Variants in SYNPR observed in about 807,000 individuals in gnomAD.
SYNPR encodes the protein synaptoporin.
In SYNPR, 23 loss-of-function variants were observed where a neutral mutation model predicts 32.9. The ratio of observed to expected loss-of-function variants is 0.70; its 90% CI spans 0.50 to 0.99. The LOEUF (loss-of-function observed/expected upper bound fraction) is 0.99, where lower values mean the gene tolerates loss of function less well. Ranked by LOEUF, SYNPR falls within the 50% of genes least tolerant of loss-of-function variation. SYNPR has a pLI of 0.00. For synonymous variants in SYNPR, 146 were observed against 135.9 expected (o/e 1.07, Z -0.52); for missense variants, 318 against 349.3 (o/e 0.91, Z 0.71).
At chr3:63,324,757 T>C (rs1215327073) in intron 2 of SYNPR, among the ~76,000 whole-genome samples, 1 of 152,130 alleles carries the variant, frequency 6.6e-6, no homozygotes, top group Non-Finnish European at 1.5e-5. Context: ...CAAGTTGAGC[T>C]AGCTATTTAG....
chr3:63,254,705 G>A (rs1325208594), intron 2 of SYNPR, among the ~76,000 whole-genome samples: 8 of 152,156 alleles, frequency 5.3e-5, no homozygotes, highest in South Asian at 2.1e-4. Context: ...ACTATGGGCC[G>A]AATTGTGTTC....
intron 3 of SYNPR, among the ~76,000 whole-genome samples, chr3:63,497,605 C>T (rs1701397389): frequency 6.6e-6 from 1 of 151,528 alleles, no homozygotes; most frequent in Non-Finnish European, 1.5e-5. Context: ...CAAACTTTGC[C>T]ATTTCCAAAT....
At chr3:63,372,982 A>G (rs1364044374) in intron 2 of SYNPR, among the ~76,000 whole-genome samples, 1 of 152,194 alleles carries the variant, frequency 6.6e-6, no homozygotes, top group East Asian at 1.9e-4. Context: ...TCCTTTGATA[A>G]TGTACTCCCT....
intron 2 of SYNPR, among the ~76,000 whole-genome samples, chr3:63,357,259 C>T (rs936227226): frequency 4.6e-5 from 7 of 152,058 alleles, no homozygotes; most frequent in African/African-American, 1.7e-4. Flanking sequence ...ACCAGAGACC[C>T]CTCCCACCCC....
At chr3:63,288,482 G>C (rs1225931471) in intron 2 of SYNPR, among the ~76,000 whole-genome samples, 1 of 152,186 alleles carries the variant, frequency 6.6e-6, no homozygotes, top group African/African-American at 2.4e-5. Context: ...GGGGATAGCT[G>C]AGTGGATTCA....
rs961027707 is a variant in SYNPR at position 63,417,502 on chromosome 3, G to A, written c.85-63330G>A. 2.0e-5 allele frequency among the ~76,000 whole-genome samples: 3 copies of A among 152,230 alleles called. No individual in the cohort carries two copies. The South Asian group carries it at 6.2e-4, about 31-fold the overall frequency. On this transcript the variant is annotated intron_variant, in intron 2 of 5. Coordinates refer to ENST00000478300, the MANE Select transcript of SYNPR (RefSeq NM_001130003.2). ...GGCCCTCTTCTCACAGCTCCACTAG[G>A]CAGTGGCCTAGTAGGGACTCTGTGT...
chr3:63,320,584 T>C (rs571146937), intron 2 of SYNPR, among the ~76,000 whole-genome samples: 93 of 152,190 alleles, frequency 6.1e-4, no homozygotes, highest in Non-Finnish European at 8.1e-4. Context: ...CCCCCACTTA[T>C]GTCCACAGAA....
chr3:63,551,869 CTATTTATTTATTTATTTATTTATT>C (rs10527039), intron 3 of SYNPR, among the ~76,000 whole-genome samples: 62 of 144,854 alleles, frequency 4.3e-4, no homozygotes, highest in African/African-American at 1.4e-3. Flanking sequence ...CAGCATCTAG[CTATTTATTTATTTATTTATTTATT>C]TATTTATTTA....
At chr3:63,504,942 A>G (rs998546188) in intron 3 of SYNPR, among the ~76,000 whole-genome samples, 2 of 152,150 alleles carry the variant, frequency 1.3e-5, no homozygotes, top group South Asian at 4.1e-4. Context: ...ATCAGAGTAG[A>G]GAGATTTCTG....
intron 2 of SYNPR, among the ~76,000 whole-genome samples, chr3:63,377,601 G>T (rs796429958): frequency 1.5e-4 from 23 of 151,344 alleles, no homozygotes; most frequent in African/African-American, 4.8e-4. Flanking sequence ...AGCAAGGATG[G>T]AACAATCCAA....
intron 3 of SYNPR, among the ~76,000 whole-genome samples, chr3:63,499,108 C>A (rs1311450489): frequency 6.6e-6 from 1 of 151,830 alleles, no homozygotes; most frequent in African/African-American, 2.4e-5. Flanking sequence ...ATAATCTAGG[C>A]AACAGTTGAT....
chr3:63,316,832 G>A (rs1471496492), intron 2 of SYNPR, among the ~76,000 whole-genome samples: 7 of 151,804 alleles, frequency 4.6e-5, no homozygotes, highest in Non-Finnish European at 8.8e-5. Context: ...CAGAATGTCA[G>A]TTTGTGCTCT....
chr3:63,571,132 TA>T (rs772866058), intron 4 of SYNPR, among the ~76,000 whole-genome samples: 1 of 152,192 alleles, frequency 6.6e-6, no homozygotes, highest in Non-Finnish European at 1.5e-5. Context: ...CTCAGCTTGC[TA>T]TTTTAAAATG....
At chr3:63,471,331 C>T (rs1700791969) in intron 2 of SYNPR, among the ~76,000 whole-genome samples, 2 of 152,220 alleles carry the variant, frequency 1.3e-5, no homozygotes, top group African/African-American at 4.8e-5. Flanking sequence ...AATTGCATGT[C>T]TTCCAGGGAC....
intron 4 of SYNPR, among the ~76,000 whole-genome samples, chr3:63,595,717 TTATATA>T (rs1169780634): frequency 0.018 from 323 of 17,738 alleles, 3 homozygotes; most frequent in South Asian, 0.038. Flanking sequence ...GAATCTTATT[TTATATA>T]TATATATATA....
In SYNPR at chr3:63,616,323, A is replaced by T. The variant is rs1700277800; in HGVS notation, c.*842A>T. On this transcript the variant is annotated 3_prime_UTR_variant, in exon 6 of 6. Coordinates refer to ENST00000478300, the MANE Select transcript of SYNPR (RefSeq NM_001130003.2). ...TTTTGTGGCTCTTATCTTGTGGACC[A>T]TAAATAACACGGCCCAATAACTCTT... The T allele has an allele frequency of 1.3e-5, 2 of 152,204 alleles. No homozygotes were observed. Among genetic ancestry groups the T allele is most frequent in the African/African-American group, 4.8e-5 (2 of 41,448 alleles). The allele number at this position is 152,204 out of a possible 1,614,324, so 9.4% of individuals were successfully genotyped here.
chr3:63,344,550 ATTTT>A (rs10627844), intron 2 of SYNPR, among the ~76,000 whole-genome samples: 2 of 130,578 alleles, frequency 1.5e-5, no homozygotes, highest in Admixed American at 8.0e-5. Context: ...TTCAAAAAAG[ATTTT>A]TTTTTTTTTT....
intron 2 of SYNPR, among the ~76,000 whole-genome samples, chr3:63,449,906 A>G (rs1423787940): frequency 6.6e-6 from 1 of 152,218 alleles, no homozygotes; most frequent in Non-Finnish European, 1.5e-5. Context: ...TTAGATGGTT[A>G]CAAGCCCAAA....
chr3:63,595,747 ATATATATATATATATATATAT>A (rs1559546202), intron 4 of SYNPR, among the ~76,000 whole-genome samples: 474 of 47,388 alleles, frequency 0.01, 26 homozygotes, highest in Non-Finnish European at 0.013. Flanking sequence ...ATATATATAT[ATATATATATATATATATATAT>A]AATTTTATAT....
Sources: gnomAD v4.1 joint callset for allele counts (sites outside exome capture counted in the v4.1 genomes callset) on GRCh38, gnomAD v4.1.1 for gene constraint, MANE v1.5 for transcripts, NCBI Gene and HGNC (gene_info 2026-07-23, HGNC 2026-07-21) for gene names.